Variants in OLFML2A observed in about 807,000 individuals in gnomAD.
The protein encoded by OLFML2A is olfactomedin-like protein 2A.
A neutral mutation model predicts 60.9 loss-of-function variants in OLFML2A; 47 were observed. The observed-to-expected ratio is 0.77, with a 90% confidence interval of 0.61 to 0.98. OLFML2A has a LOEUF of 0.98. Among genes scored for constraint, OLFML2A ranks in the 50% least tolerant of loss-of-function variants. OLFML2A has a pLI of 0.00. For synonymous variants in OLFML2A, 372 were observed against 375.0 expected (o/e 0.99, Z 0.09); for missense variants, 922 against 879.8 (o/e 1.05, Z -0.61).
chr9:124,790,856 C>T (rs1169657063), intron 2 of OLFML2A, among the ~76,000 whole-genome samples: 1 of 152,178 alleles, frequency 6.6e-6, no homozygotes, highest in Non-Finnish European at 1.5e-5. Context: ...CAGGATGGGG[C>T]TGGGGCACCT....
At chr9:124,801,036 G>T in intron 4 of OLFML2A, 2 of 1,551,524 alleles carry the variant, frequency 1.3e-6, no homozygotes, top group Non-Finnish European at 1.7e-6. Flanking sequence ...CCCTGCCCAC[G>T]TACTAAGACC....
rs544829838 is a variant in OLFML2A at position 124,804,213 on chromosome 9, C to A, written c.1039C>A (p.Arg347=). 6.2e-6 allele frequency: 10 copies of A among 1,614,054 alleles called. No individual in the cohort carries two copies. The East Asian group carries it at 1.1e-4, about 18-fold the overall frequency. Residue 347 remains arginine (R), a synonymous_variant, in exon 6 of 8, where the codon CGA becomes AGA. Coordinates refer to ENST00000373580, the MANE Select transcript of OLFML2A (RefSeq NM_182487.4). ...TGAGGCTGAGCCCAGGTCCTCCGAG[C>A]GAGTGGACCTGGCTTCTGGCACCCC... ...QDEAEPRSSE[R]VDLASGTPTS... is the part of the protein sequence containing the mutation.
chr9:124,794,763 A>C (rs1841634023), intron 2 of OLFML2A, among the ~76,000 whole-genome samples: 1 of 152,170 alleles, frequency 6.6e-6, no homozygotes, highest in South Asian at 2.1e-4. Flanking sequence ...CTGGGACTAC[A>C]GGCACACACC....
intron 5 of OLFML2A, 63 bp from the exon 6 acceptor site, chr9:124,804,031 T>A: frequency 6.3e-7 from 1 of 1,579,492 alleles, no homozygotes; most frequent in Non-Finnish European, 8.6e-7. Flanking sequence ...CAGTGGACCT[T>A]AGGGAGACCC....
At chr9:124,781,330 A>C (rs138573543) in intron 1 of OLFML2A, among the ~76,000 whole-genome samples, 113 of 152,266 alleles carry the variant, frequency 7.4e-4, no homozygotes, top group Non-Finnish European at 1.2e-3. Flanking sequence ...GGGTAGGTGG[A>C]CATGGGTCTG....
chr9:124,792,645 C>T (rs1564283992), intron 2 of OLFML2A, among the ~76,000 whole-genome samples: 1 of 152,136 alleles, frequency 6.6e-6, no homozygotes, highest in South Asian at 2.1e-4. Flanking sequence ...AGGGTCATCT[C>T]GCAAGGGAGG....
Position 124,807,811 on chromosome 9 carries a change from G to A in OLFML2A, c.1199G>A (p.Arg400Gln), listed in dbSNP as rs773927554. 4.9e-5 allele frequency: 79 copies of A among 1,613,350 alleles called. No individual in the cohort carries two copies. The highest frequency in any genetic ancestry group is 7.7e-5 in the South Asian group (7 of 91,068). ...GREASCEGTL[R>Q]AVDPPVRHHS... ...GAGGCGAGCTGTGAGGGCACCCTCC[G>A]GGCTGTGGACCCCCCTGTGAGGCAC... Residue 400 changes from arginine (R) to glutamine (Q), a missense_variant, in exon 7 of 8, where the codon CGG becomes CAG. Coordinates refer to ENST00000373580, the MANE Select transcript of OLFML2A (RefSeq NM_182487.4).
chr9:124,804,167 G>C lies in OLFML2A; in HGVS notation c.993G>C (p.Glu331Asp). Residue 331 changes from glutamate (E) to aspartate (D), a missense_variant, in exon 6 of 8, where the codon GAG becomes GAC. Glu to Asp is a conservative substitution (Grantham distance 45, BLOSUM62 2). Transcript: ENST00000373580. Reference sequence around the variant, plus strand: ...TGGAGGGCAGGTCCAACTCCGCAGAGCCCAACTCCGCAGAGCAGGATGAGG... The same window carrying C: ...TGGAGGGCAGGTCCAACTCCGCAGACCCCAACTCCGCAGAGCAGGATGAGG... ...PKVEGRSNSAEPNSAEQDEAE... is the reference protein window; with the variant it reads ...PKVEGRSNSADPNSAEQDEAE... 1 of 1,613,840 alleles carries C rather than the reference G, an allele frequency of 6.2e-7. No homozygotes were observed.
At chr9:124,791,910 A>C (rs1358245885) in intron 2 of OLFML2A, among the ~76,000 whole-genome samples, 1 of 152,164 alleles carries the variant, frequency 6.6e-6, no homozygotes, top group African/African-American at 2.4e-5. Flanking sequence ...ACAGGCTGCT[A>C]TTAAGCATTT....
chr9:124,798,520 A>C (rs1031666950), intron 3 of OLFML2A, among the ~76,000 whole-genome samples: 1 of 151,314 alleles, frequency 6.6e-6, no homozygotes, highest in Non-Finnish European at 1.5e-5. Context: ...TCTGTCTCAA[A>C]AAAAAAAGTA....
Position 124,810,232 on chromosome 9 carries a change from G to T in OLFML2A, c.1779G>T (p.Gln593His). ...GILYAVDTYNQQEGQVAYAFD... is the reference protein window; with the variant it reads ...GILYAVDTYNHQEGQVAYAFD... Reference sequence around the variant, plus strand: ...TGTATGCCGTGGACACGTACAACCAGCAGGAAGGCCAGGTCGCCTACGCTT... The same window carrying T: ...TGTATGCCGTGGACACGTACAACCATCAGGAAGGCCAGGTCGCCTACGCTT... Residue 593 changes from glutamine to histidine, a missense_variant, in exon 8 of 8, where the codon CAG becomes CAT. Coordinates refer to ENST00000373580, the MANE Select transcript of OLFML2A (RefSeq NM_182487.4). The T allele has an allele frequency of 6.2e-7, 1 of 1,613,442 alleles. No homozygotes were observed. Among genetic ancestry groups the T allele is most frequent in the African/African-American group, 1.3e-5 (1 of 75,048 alleles).
intron 2 of OLFML2A, among the ~76,000 whole-genome samples, chr9:124,792,886 C>T (rs147636211): frequency 1.3e-4 from 19 of 151,124 alleles, no homozygotes; most frequent in Admixed American, 5.3e-4. Context: ...GCATGATTCT[C>T]AAATTGTGTT....
chr9:124,800,172 C>T (rs535705143), intron 4 of OLFML2A, among the ~76,000 whole-genome samples: 11 of 152,318 alleles, frequency 7.2e-5, no homozygotes, highest in Admixed American at 3.3e-4. Context: ...TTGGGTGAGC[C>T]GGTTGCACAG....
At position 124,814,792 on chromosome 9, in the gene OLFML2A, G is replaced by T. The variant is rs1031169585; in HGVS notation, c.*4380G>T. The T allele has an allele frequency of 6.6e-6, 1 of 151,672 alleles. No individual in the cohort carries two copies. The highest frequency in any genetic ancestry group is 1.5e-5 in the Non-Finnish European group (1 of 67,960). 9.4% of individuals were successfully genotyped at this position (151,672 alleles called of 1,614,324 possible). A position where few individuals can be genotyped will look rare whatever the true frequency, so the allele number is the denominator to read the frequency against. On this transcript the variant is annotated 3_prime_UTR_variant, in exon 8 of 8. Coordinates refer to ENST00000373580, the MANE Select transcript of OLFML2A (RefSeq NM_182487.4). ...CTAATCTTTTTATTTTTATGCTATTGTACTTTATTTTTGTAAGTTGCTGAG... is the reference window on the plus strand; with the variant it reads ...CTAATCTTTTTATTTTTATGCTATTTTACTTTATTTTTGTAAGTTGCTGAG...
chr9:124,784,943 G>GTTGTTTTTTTTTTTTTTTTT (rs1841429446), intron 1 of OLFML2A, among the ~76,000 whole-genome samples: 3 of 69,592 alleles, frequency 4.3e-5, no homozygotes, highest in African/African-American at 1.9e-4. Flanking sequence ...CCTTTTACTT[G>GTTGTTTTTTTTTTTTTTTTT]TTTTTTTTTT....
intron 3 of OLFML2A, among the ~76,000 whole-genome samples, chr9:124,795,896 G>A (rs1841660517): frequency 6.6e-6 from 1 of 152,262 alleles, no homozygotes; most frequent in African/African-American, 2.4e-5. Context: ...GCCCTGGTCA[G>A]GGTGAATGTG....
At chr9:124,784,958 T>G (rs866779856) in intron 1 of OLFML2A, among the ~76,000 whole-genome samples, 7 of 116,142 alleles carry the variant, frequency 6.0e-5, no homozygotes, top group Admixed American at 1.7e-4. Flanking sequence ...TTTTTTTTTT[T>G]TTTTTTTTTT....
chr9:124,799,577 C>A, intron 4 of OLFML2A, 86 bp downstream of exon 4: 1 of 1,122,602 alleles, frequency 8.9e-7, no homozygotes, highest in South Asian at 1.5e-5. Flanking sequence ...TGGATCAGCT[C>A]GATGGGGGTT....
chr9:124,802,271 C>G (rs1841792330), intron 5 of OLFML2A, among the ~76,000 whole-genome samples: 1 of 152,230 alleles, frequency 6.6e-6, no homozygotes, highest in South Asian at 2.1e-4. Context: ...TGAGCCATCT[C>G]TACGGGTTGT....
Sources: gnomAD v4.1 joint callset for allele counts (sites outside exome capture counted in the v4.1 genomes callset) on GRCh38, gnomAD v4.1.1 for gene constraint, MANE v1.5 for transcripts, NCBI Gene and HGNC (gene_info 2026-07-23, HGNC 2026-07-21) for gene names.